The following HGF variants were observed in gnomAD, a reference collection of about 807,000 sequenced individuals.
HGF encodes fibroblast-derived tumor cytotoxic factor.
In HGF, 39 loss-of-function variants were observed where a neutral mutation model predicts 111.6. That is an observed-to-expected ratio of 0.35 (90% confidence interval 0.27 to 0.46). The LOEUF is 0.46. HGF is among the 20% of genes least tolerant of loss of function. The pLI, the probability that HGF is intolerant of heterozygous loss-of-function variation, is 1.00. For synonymous variants in HGF, 285 were observed against 294.8 expected, an observed-to-expected ratio of 0.97 and a Z score of 0.34; for missense variants, 735 against 910.5, an observed-to-expected ratio of 0.81 and a Z score of 2.48.
intron 5 of HGF, chr7:81,750,752 A>G (rs549652302): frequency 2.0e-4 from 36 of 177,040 alleles, no homozygotes; most frequent in South Asian, 9.5e-4. Flanking sequence ...CAGGTCAAAC[A>G]AAACCCCTTG....
rs1048477707 is a variant in HGF, at chr7:81,741,881, C to T, written c.865+1472G>A. 6.1e-5 allele frequency among the ~76,000 whole-genome samples: 8 copies of T among 130,410 alleles called. 1 individual carries two copies. The highest frequency in any genetic ancestry group is 3.9e-4 in the Admixed American group (4 of 10,370). The allele number at this position is 130,410 out of a possible 152,430, so 85.6% of individuals were successfully genotyped here. ...TGAACCCAGGAGGCGGAAGTTGTGG[C>T]GAGCTGAGATTGTGCCATTGCACTC... On this transcript the variant is annotated intron_variant, in intron 7 of 17. Coordinates refer to ENST00000222390, the MANE Select transcript of HGF (RefSeq NM_000601.6).
chr7:81,752,020 A>G (rs1788528428), intron 5 of HGF, 100 bp downstream of exon 5: 1 of 1,560,846 alleles, frequency 6.4e-7, no homozygotes, highest in African/African-American at 1.4e-5. Flanking sequence ...CGAACAACAT[A>G]TTTGTTATGA....
chr7:81,714,727 CAT>C (rs1789666286), intron 11 of HGF, among the ~76,000 whole-genome samples: 1 of 151,876 alleles, frequency 6.6e-6, no homozygotes, highest in Admixed American at 6.6e-5. Context: ...AAAACCTTTA[CAT>C]GTTTTGTAAA....
intron 7 of HGF, among the ~76,000 whole-genome samples, chr7:81,736,425 C>T (rs1418367295): frequency 1.3e-5 from 2 of 151,880 alleles, no homozygotes; most frequent in Non-Finnish European, 2.9e-5. Context: ...TGAACAATGG[C>T]CCCAAGGCAC....
intron 6 of HGF, 137 bp from the exon 7 acceptor site, chr7:81,743,608 C>A: frequency 1.4e-6 from 1 of 738,300 alleles, no homozygotes; most frequent in East Asian, 2.5e-5. Flanking sequence ...TTTTGCCTTA[C>A]GAGGACTGCT....
intron 8 of HGF, among the ~76,000 whole-genome samples, chr7:81,728,873 G>A (rs5745694): frequency 0.017 from 2,570 of 152,284 alleles, 65 homozygotes; most frequent in African/African-American, 0.056. Context: ...TGAATGATGT[G>A]TGTTATTAAT....
At chr7:81,721,736 CATG>C in intron 9 of HGF, among the ~76,000 whole-genome samples, 1 of 152,288 alleles carries the variant, frequency 6.6e-6, no homozygotes, top group East Asian at 1.9e-4. Context: ...TCTTGTGACA[CATG>C]ATGTCACTTT....
chr7:81,739,024 T>C (rs1787921842), intron 7 of HGF, among the ~76,000 whole-genome samples: 1 of 152,158 alleles, frequency 6.6e-6, no homozygotes, highest in Non-Finnish European at 1.5e-5. Context: ...TTAGATGTGC[T>C]ATGAACAAGG....
chr7:81,728,710 C>A (rs115216367), intron 8 of HGF, among the ~76,000 whole-genome samples: 1,528 of 152,310 alleles, frequency 0.01, 23 homozygotes, highest in African/African-American at 0.033. Flanking sequence ...CATGCACACA[C>A]ACACATACAA....
At position 81,702,610 on chromosome 7, in the gene HGF, T is replaced by C; in HGVS notation, c.2158A>G (p.Ile720Val). ...AYYAKWIHKI[I>V]LTYKVPQS is the part of the protein sequence containing the mutation. ...GACTGTGGTACCTTATATGTTAAAA[T>C]AATTTTGTGTATCCATTTTGCATAA... The change falls in exon 18 of 18, where the codon ATT (isoleucine) becomes GTT (valine). Residue 720 changes from isoleucine (I) to valine (V), a missense_variant. Coordinates refer to ENST00000222390, the MANE Select transcript of HGF (RefSeq NM_000601.6). 6.2e-7 allele frequency: 1 copy of C among 1,611,238 alleles called. No individual in the cohort carries two copies. The highest frequency in any genetic ancestry group is 8.5e-7 in the Non-Finnish European group (1 of 1,178,014).
chr7:81,704,517 C>T (rs980537426), intron 17 of HGF, among the ~76,000 whole-genome samples: 2 of 151,628 alleles, frequency 1.3e-5, no homozygotes, highest in Admixed American at 6.6e-5. Flanking sequence ...TGTTTCTAAC[C>T]ATATCATTTT....
rs1315085560 is a variant in HGF, at chr7:81,701,655, G to A, written c.*926C>T. The A allele has an allele frequency of 6.6e-6, 1 of 151,528 alleles. No homozygotes were observed. The highest frequency in any genetic ancestry group is 1.5e-5 in the Non-Finnish European group (1 of 67,646). 9.4% of individuals were successfully genotyped at this position (151,528 alleles called of 1,614,324 possible). On this transcript the variant is annotated 3_prime_UTR_variant, in exon 18 of 18. Coordinates refer to ENST00000222390, the MANE Select transcript of HGF (RefSeq NM_000601.6). ...AGGAAAATAGATCTACAAATATCTT[G>A]TGTAAATAAGTGGCCTTAAGTTTGG...
chr7:81,729,598 T>C lies in HGF; in HGVS notation c.1040+7A>G, dbSNP rs561027610. The C allele has an allele frequency of 1.0e-5, 16 of 1,606,534 alleles. No individual in the cohort carries two copies. The South Asian group carries it at 1.1e-4, about 11-fold the overall frequency. ...TGAAATGTATAACATTTGCCTACTT[T>C]ACTCACTTGCACTTGAAATTTTCAG... On this transcript the variant is annotated splice_region_variant and intron_variant, in intron 8 of 17. Coordinates refer to ENST00000222390, the MANE Select transcript of HGF (RefSeq NM_000601.6).
chr7:81,739,683 G>A (rs1256472946), intron 7 of HGF, among the ~76,000 whole-genome samples: 1 of 151,958 alleles, frequency 6.6e-6, no homozygotes, highest in Non-Finnish European at 1.5e-5. Context: ...TCTCAAGAAG[G>A]GACCTTTGGG....
rs144923263 is a variant in HGF, at chr7:81,750,216, T to C, written c.625+1904A>G. On this transcript the variant is annotated intron_variant, in intron 5 of 17. Coordinates refer to ENST00000222390, the MANE Select transcript of HGF (RefSeq NM_000601.6). ...CAATGCTTCTTATTTTGGATCTTTTTCATTAAAATCCTGCTAACACATTGC... is the reference window on the plus strand; with the variant it reads ...CAATGCTTCTTATTTTGGATCTTTTCCATTAAAATCCTGCTAACACATTGC... Among the ~76,000 whole-genome samples, 316 of 152,338 alleles carry C rather than the reference T, an allele frequency of 2.1e-3. 1 individual carries two copies. The highest frequency in any genetic ancestry group is 7.1e-3 in the African/African-American group (297 of 41,584).
At chr7:81,761,643 C>T (rs894407669) in intron 2 of HGF, among the ~76,000 whole-genome samples, 5 of 151,880 alleles carry the variant, frequency 3.3e-5, no homozygotes, top group African/African-American at 1.2e-4. Flanking sequence ...GTGTCTTCTT[C>T]TGACAGTTTA....
At chr7:81,705,836 A>C (rs893571782) in intron 15 of HGF, 83 bp from the exon 16 acceptor site, 5 of 842,600 alleles carry the variant, frequency 5.9e-6, no homozygotes, top group Non-Finnish European at 1.0e-5. Flanking sequence ...TTCATGTTTA[A>C]TATGGCATTT....
chr7:81,714,929 T>C (rs1439382591), intron 11 of HGF, among the ~76,000 whole-genome samples: 1 of 152,126 alleles, frequency 6.6e-6, no homozygotes, highest in Admixed American at 6.6e-5. Context: ...GTGGTATACA[T>C]TGAAATAAAA....
intron 9 of HGF, among the ~76,000 whole-genome samples, chr7:81,723,352 T>A (rs1422811040): frequency 6.6e-6 from 1 of 151,996 alleles, no homozygotes; most frequent in East Asian, 1.9e-4. Flanking sequence ...AAAACTAATA[T>A]CCAGAAAGAT....
Sources: allele counts gnomAD v4.1 joint callset (sites outside exome capture counted in the v4.1 genomes callset), GRCh38; gene constraint gnomAD v4.1.1; transcripts MANE v1.5; gene names NCBI Gene and HGNC (gene_info 2026-07-23, HGNC 2026-07-21).